Variants in SLC12A1 observed in about 807,000 individuals in gnomAD.
The protein encoded by SLC12A1 is solute carrier family 12 member 1, also known as Na-K-2Cl cotransporter.
Under a neutral mutation model 130.4 loss-of-function variants are expected in SLC12A1, and 89 were observed. The ratio of observed to expected loss-of-function variants is 0.68; its 90% CI spans 0.58 to 0.81. The LOEUF (loss-of-function observed/expected upper bound fraction) is 0.81. Among genes scored for constraint, SLC12A1 ranks in the 40% least tolerant of loss-of-function variants. SLC12A1 has a pLI of 0.00. For missense variants in SLC12A1, 1,310 were observed against 1,336.4 expected (o/e 0.98, Z 0.31); for synonymous variants, 499 against 460.0 (o/e 1.08, Z -1.09).
chr15:48,206,546 C>G lies in SLC12A1; in HGVS notation c.-187+216C>G, dbSNP rs79072863. ...TTCAAATACACAGCTTTAATAACTG[C>G]ATGAGAGAGACAAGTTTTTATTTAT... is the stretch of plus-strand genomic sequence containing the variant. On this transcript the variant is annotated intron_variant, in intron 1 of 26. Transcript: ENST00000380993. Among the ~76,000 whole-genome samples, 44 of 152,214 alleles carry G rather than the reference C, an allele frequency of 2.9e-4. No homozygotes were observed. In the East Asian group the frequency reaches 8.3e-3, roughly 29 times the overall value.
At chr15:48,285,399 A>T in intron 21 of SLC12A1, 150 bp downstream of exon 21, 1 of 649,768 alleles carries the variant, frequency 1.5e-6, no homozygotes, top group Non-Finnish European at 2.6e-6. Flanking sequence ...AGTATGGATA[A>T]ACGGTAGCAG....
chr15:48,296,532 G>C (rs192721336), intron 24 of SLC12A1, among the ~76,000 whole-genome samples: 217 of 152,292 alleles, frequency 1.4e-3, no homozygotes, highest in Non-Finnish European at 1.9e-3. Flanking sequence ...AGGTAATTTA[G>C]TTTAAAGATG....
At chr15:48,235,347 A>AC in intron 9 of SLC12A1, 1 of 300,768 alleles carries the variant, frequency 3.3e-6, no homozygotes, top group Non-Finnish European at 6.4e-6. Flanking sequence ...TGTAAAAGTA[A>AC]AAAAAAAACA....
At position 48,282,671 on chromosome 15, in the gene SLC12A1, T is replaced by G. The variant is rs370325953; in HGVS notation, c.2486-2435T>G. Among the ~76,000 whole-genome samples, 39 of 152,240 alleles carry G rather than the reference T, an allele frequency of 2.6e-4. No individual in the cohort carries two copies. The East Asian group carries it at 4.4e-3, about 17-fold the overall frequency. On this transcript the variant is annotated intron_variant, in intron 20 of 26. Coordinates refer to ENST00000380993, the MANE Select transcript of SLC12A1 (RefSeq NM_000338.3). ...AAAGTCTGGGTACCAGTGCTGCTGC[T>G]CTAGTGCAGCCTTCCATATAGAACC...
At chr15:48,214,326 T>C (rs1327739600) in intron 2 of SLC12A1, among the ~76,000 whole-genome samples, 1 of 152,190 alleles carries the variant, frequency 6.6e-6, no homozygotes, top group Non-Finnish European at 1.5e-5. Flanking sequence ...TAGTAATACA[T>C]GGCAAGAAGA....
intron 2 of SLC12A1, 134 bp from the exon 3 acceptor site, chr15:48,220,500 T>G (rs1353198611): frequency 1.1e-6 from 1 of 875,020 alleles, no homozygotes; most frequent in African/African-American, 1.7e-5. Flanking sequence ...ATTAAAATTC[T>G]CAGAATATAT....
At chr15:48,242,669 G>A (rs2041530807) in intron 10 of SLC12A1, among the ~76,000 whole-genome samples, 1 of 152,126 alleles carries the variant, frequency 6.6e-6, no homozygotes, top group Non-Finnish European at 1.5e-5. Context: ...GGGCGTGGCG[G>A]CACACACCTA....
intron 15 of SLC12A1, among the ~76,000 whole-genome samples, chr15:48,252,480 C>A (rs545226029): frequency 1.3e-5 from 2 of 152,216 alleles, no homozygotes; most frequent in East Asian, 3.9e-4. Context: ...AGTCCCTGTC[C>A]TCAAGGAGTT....
At chr15:48,253,175 T>C (rs2041667391) in intron 15 of SLC12A1, among the ~76,000 whole-genome samples, 1 of 152,234 alleles carries the variant, frequency 6.6e-6, no homozygotes, top group African/African-American at 2.4e-5. Context: ...TTAGCTTTTA[T>C]GACTTTACCT....
At chr15:48,261,536 C>T (rs1041590348) in intron 17 of SLC12A1, among the ~76,000 whole-genome samples, 1 of 152,186 alleles carries the variant, frequency 6.6e-6, no homozygotes, top group African/African-American at 2.4e-5. Context: ...CAGTTAATGA[C>T]TTTCCAGTTA....
intron 13 of SLC12A1, among the ~76,000 whole-genome samples, chr15:48,248,415 T>C (rs931063535): frequency 2.6e-5 from 4 of 152,272 alleles, no homozygotes; most frequent in Non-Finnish European, 5.9e-5. Context: ...CTGTGCTGCA[T>C]TTAAGCGAAT....
At chr15:48,219,079 G>T (rs1372651247) in intron 2 of SLC12A1, among the ~76,000 whole-genome samples, 1 of 152,120 alleles carries the variant, frequency 6.6e-6, no homozygotes, top group Non-Finnish European at 1.5e-5. Context: ...TACTCAACTA[G>T]TAATCAGTTA....
chr15:48,259,067 G>A (rs745380750), intron 16 of SLC12A1, 133 bp from the exon 17 acceptor site: 15 of 615,382 alleles, frequency 2.4e-5, no homozygotes, highest in East Asian at 8.1e-5. Context: ...ATACTGGTGC[G>A]AAACCCAAAA....
At chr15:48,221,386 C>G (rs1447215225) in intron 4 of SLC12A1, 1 of 701,208 alleles carries the variant, frequency 1.4e-6, no homozygotes, top group African/African-American at 1.7e-5. Flanking sequence ...ACAAAAATAA[C>G]TTGTGAGAAA....
At chr15:48,206,646 G>A (rs1404119785) in intron 1 of SLC12A1, among the ~76,000 whole-genome samples, 1 of 152,080 alleles carries the variant, frequency 6.6e-6, no homozygotes, top group Non-Finnish European at 1.5e-5. Flanking sequence ...TAATTCTAAA[G>A]CAAGTGTTTT....
Position 48,227,044 on chromosome 15 carries a change from C to T in SLC12A1, c.724+473C>T, listed in dbSNP as rs768639940. On this transcript the variant is annotated intron_variant, in intron 5 of 26. Transcript: ENST00000380993. ...GAAGTACTGGTGACTTCTCTCAGTA[C>T]TGGAACCAAACACCTTTCTTGGGGG... 7.6e-6 allele frequency: 11 copies of T among 1,451,738 alleles called. No homozygotes were observed. The South Asian group carries it at 1.2e-4, about 16-fold the overall frequency. 89.9% of individuals were successfully genotyped at this position (1,451,738 alleles called of 1,614,324 possible). A position where few individuals can be genotyped will look rare whatever the true frequency, so the allele number is the denominator to read the frequency against.
chr15:48,229,070 G>C (rs2041332611), intron 5 of SLC12A1, 119 bp from the exon 6 acceptor site: 3 of 1,097,108 alleles, frequency 2.7e-6, no homozygotes, highest in South Asian at 3.5e-5. Context: ...AAATTACTGG[G>C]AAGTTGTAAT....
At chr15:48,240,050 C>A in intron 9 of SLC12A1, among the ~76,000 whole-genome samples, 1 of 6,420 alleles carries the variant, frequency 1.6e-4, no homozygotes, top group African/African-American at 3.7e-4. Flanking sequence ...TATATATATC[C>A]ATATATATAT....
intron 14 of SLC12A1, among the ~76,000 whole-genome samples, chr15:48,250,488 G>T (rs1050696087): frequency 6.6e-6 from 1 of 152,250 alleles, no homozygotes; most frequent in African/African-American, 2.4e-5. Context: ...TTCTTTGTGT[G>T]TTTTGTTAAC....
Sources: gnomAD v4.1 joint callset for allele counts (sites outside exome capture counted in the v4.1 genomes callset) on GRCh38, gnomAD v4.1.1 for gene constraint, MANE v1.5 for transcripts, NCBI Gene and HGNC (gene_info 2026-07-23, HGNC 2026-07-21) for gene names.